Variants in SYN3 observed in about 807,000 individuals in gnomAD.
SYN3 encodes synapsin-3.
A neutral mutation model predicts 65.8 loss-of-function variants in SYN3; 35 were observed. The ratio of observed to expected loss-of-function variants is 0.53; its 90% confidence interval spans 0.41 to 0.70. The LOEUF (loss-of-function observed/expected upper bound fraction) is 0.70, where lower values mean the gene tolerates loss of function less well. Among genes scored for constraint, SYN3 ranks in the 30% least tolerant of loss-of-function variants. The probability of loss-of-function intolerance (pLI) is 0.00; values close to 1 mark genes in which losing one functional copy is unlikely to be tolerated. For synonymous variants in SYN3, 270 were observed against 292.9 expected (o/e 0.92, Z 0.80); for missense variants, 680 against 749.0 (o/e 0.91, Z 1.08).
At chr22:32,710,900 A>G (rs1476416624) in intron 6 of SYN3, among the ~76,000 whole-genome samples, 1 of 152,106 alleles carries the variant, frequency 6.6e-6, no homozygotes, top group Non-Finnish European at 1.5e-5. Flanking sequence ...GAATGAACTA[A>G]TACACGCCCC....
Position 32,999,009 on chromosome 22 carries a change from A to C in SYN3, c.311+7343T>G, listed in dbSNP as rs1176372409. Among the ~76,000 whole-genome samples the C allele has an allele frequency of 7.2e-5, 11 of 152,240 alleles. No individual in the cohort carries two copies. The East Asian group carries it at 2.1e-3, about 30-fold the overall frequency. The stretch of plus-strand genomic sequence containing the variant: ...AGTACAAGTTATCCTGCTTGGACTA[A>C]GGTAGGGCAATGACATATGCTAACT... On this transcript the variant is annotated intron_variant, in intron 2 of 13. Transcript: ENST00000358763.
intron 6 of SYN3, among the ~76,000 whole-genome samples, chr22:32,605,771 C>T (rs957902303): frequency 6.6e-6 from 1 of 152,192 alleles, no homozygotes; most frequent in Non-Finnish European, 1.5e-5. Flanking sequence ...GCCAGCAGAC[C>T]TGTTAGGACA....
chr22:32,973,430 G>A (rs1182998029), intron 3 of SYN3, among the ~76,000 whole-genome samples: 1 of 151,726 alleles, frequency 6.6e-6, no homozygotes, highest in African/African-American at 2.4e-5. Flanking sequence ...CGCCAAAAAA[G>A]AAAAAGATTA....
At position 32,520,021 on chromosome 22, in the gene SYN3, A is replaced by C. The variant is rs2057850542; in HGVS notation, c.1319-1687T>G. On this transcript the variant is annotated intron_variant, in intron 12 of 13. Transcript: ENST00000358763. ...CCAGCCATGGGAGTGCTGTCCCTGG[A>C]ACTCTAGAGAGAGCCACATGTATAA... Among the ~76,000 whole-genome samples the C allele has an allele frequency of 2.0e-5, 3 of 152,224 alleles. No individual in the cohort carries two copies. The South Asian group carries it at 6.2e-4, about 31-fold the overall frequency.
intron 6 of SYN3, among the ~76,000 whole-genome samples, chr22:32,679,048 CTTTTTTT>C (rs145971116): frequency 7.0e-5 from 6 of 85,638 alleles, no homozygotes; most frequent in South Asian, 4.3e-4. Flanking sequence ...TTGTTTCTTT[CTTTTTTT>C]TTTTTTTTTT....
chr22:32,604,754 C>T (rs560628908), intron 6 of SYN3, among the ~76,000 whole-genome samples: 1 of 152,076 alleles, frequency 6.6e-6, no homozygotes, highest in Non-Finnish European at 1.5e-5. Context: ...GCCTGTAATC[C>T]CAGCACTTTG....
chr22:32,906,548 G>GT (rs1247940805), intron 4 of SYN3, among the ~76,000 whole-genome samples: 1 of 152,056 alleles, frequency 6.6e-6, no homozygotes, highest in Non-Finnish European at 1.5e-5. Context: ...GTGCAGGTTT[G>GT]TTACATAGGT....
At position 32,980,777 on chromosome 22, in the gene SYN3, A is replaced by G. The variant is rs2052348243; in HGVS notation, c.312-75T>C. ...TTTTCTCCCTTCTCCCAAAGGCCTT[A>G]CCCCAGAGGTGCATATTGAGACACA... is the stretch of plus-strand genomic sequence containing the variant. On this transcript the variant is annotated intron_variant, in intron 2 of 13. Coordinates refer to ENST00000358763, the MANE Select transcript of SYN3 (RefSeq NM_003490.4). The G allele has an allele frequency of 5.2e-6, 7 of 1,345,944 alleles. No homozygotes were observed. In the South Asian group the frequency reaches 8.2e-5, roughly 16 times the overall value. 83.4% of individuals were successfully genotyped at this position (1,345,944 alleles called of 1,614,324 possible).
At chr22:32,580,771 G>A (rs566874140) in intron 7 of SYN3, among the ~76,000 whole-genome samples, 41 of 152,356 alleles carry the variant, frequency 2.7e-4, no homozygotes, top group African/African-American at 9.4e-4. Context: ...AGAGCTGACT[G>A]AGTAGCTTCA....
chr22:32,709,154 G>A (rs1034841218), intron 6 of SYN3, among the ~76,000 whole-genome samples: 4 of 152,188 alleles, frequency 2.6e-5, no homozygotes, highest in African/African-American at 7.2e-5. Context: ...TGTGCCCGGG[G>A]GAAAATGACC....
At chr22:32,579,426 AGCGG>A (rs1413313084) in intron 7 of SYN3, among the ~76,000 whole-genome samples, 5 of 152,162 alleles carry the variant, frequency 3.3e-5, no homozygotes, top group Non-Finnish European at 5.9e-5. Context: ...ATTCTCACAC[AGCGG>A]AAGGGGCAAG....
At chr22:32,528,459 T>C (rs1340725115) in intron 11 of SYN3, among the ~76,000 whole-genome samples, 1 of 151,658 alleles carries the variant, frequency 6.6e-6, no homozygotes, top group Non-Finnish European at 1.5e-5. Context: ...TTGGGGAAAA[T>C]GGGAGACACA....
chr22:33,052,619 G>T (rs1211418716), intron 1 of SYN3, among the ~76,000 whole-genome samples: 1 of 151,252 alleles, frequency 6.6e-6, no homozygotes, highest in African/African-American at 2.4e-5. Context: ...AGCTCTAACT[G>T]CTTCCACAAA....
At chr22:32,928,087 T>A (rs957075195) in intron 4 of SYN3, among the ~76,000 whole-genome samples, 4 of 152,202 alleles carry the variant, frequency 2.6e-5, no homozygotes, top group Admixed American at 1.3e-4. Context: ...CCTCAGTACT[T>A]TGGGAGGCCA....
chr22:32,599,822 A>G (rs2059256452), intron 6 of SYN3, among the ~76,000 whole-genome samples: 1 of 152,150 alleles, frequency 6.6e-6, no homozygotes, highest in East Asian at 1.9e-4. Context: ...TGGTTGGGGC[A>G]CACCAAAGGT....
chr22:33,022,390 G>A (rs1331445050), intron 1 of SYN3, among the ~76,000 whole-genome samples: 1 of 152,232 alleles, frequency 6.6e-6, no homozygotes, highest in Non-Finnish European at 1.5e-5. Flanking sequence ...ACTTCCTGAA[G>A]AGCAGGTCCA....
intron 6 of SYN3, among the ~76,000 whole-genome samples, chr22:32,744,031 G>C (rs139373914): frequency 6.6e-6 from 1 of 152,248 alleles, no homozygotes; most frequent in Non-Finnish European, 1.5e-5. Flanking sequence ...TTATTCATGA[G>C]ATGATGACCC....
chr22:32,563,074 T>C (rs1168988184), intron 7 of SYN3, among the ~76,000 whole-genome samples: 1 of 152,238 alleles, frequency 6.6e-6, no homozygotes, highest in East Asian at 1.9e-4. Flanking sequence ...AGTCAGAGCA[T>C]GTGGCTTTCA....
At chr22:32,611,611 A>G (rs1329711610) in intron 6 of SYN3, among the ~76,000 whole-genome samples, 1 of 151,970 alleles carries the variant, frequency 6.6e-6, no homozygotes, top group Admixed American at 6.6e-5. Flanking sequence ...CTTTTGTACA[A>G]TTATTGGGGT....
Sources: allele counts gnomAD v4.1 joint callset (sites outside exome capture counted in the v4.1 genomes callset), GRCh38; gene constraint gnomAD v4.1.1; transcripts MANE v1.5; gene names NCBI Gene and HGNC (gene_info 2026-07-23, HGNC 2026-07-21).